MED13L: variants seen among roughly 807,000 people sequenced by gnomAD.
MED13L encodes mediator of RNA polymerase II transcription subunit 13-like.
MED13L carries 7 observed loss-of-function variants against 220.9 expected under a neutral mutation model. The observed-to-expected ratio is 0.03, with a 90% CI of 0.02 to 0.06. The LOEUF is 0.06. MED13L is among the 10% of genes least tolerant of loss of function. MED13L has a pLI of 1.00. For missense variants in MED13L, 1,965 were observed against 2,760.5 expected (o/e 0.71, Z 6.46); for synonymous variants, 1,011 against 1,015.2 (o/e 1.00, Z 0.08).
rs1046132478 is a variant in MED13L at position 116,029,362 on chromosome 12, A to T, written c.480-6761T>A. ...AACTTATAAGTGCAAAGGTATGGAG[A>T]GTCTGCCATTTTTAAAGACATTTTT... is the stretch of plus-strand genomic sequence containing the variant. On this transcript the variant is annotated intron_variant, in intron 4 of 30. Transcript: ENST00000281928. Among the ~76,000 whole-genome samples, 53 of 147,960 alleles carry T rather than the reference A, an allele frequency of 3.6e-4. 2 individuals carry two copies.
At chr12:116,120,469 TCTCTCTCTCACACACACACACACACACA>T (rs1565886985) in intron 2 of MED13L, among the ~76,000 whole-genome samples, 1 of 129,774 alleles carries the variant, frequency 7.7e-6, no homozygotes, top group Non-Finnish European at 1.6e-5. Flanking sequence ...TCTCTCTCTC[TCTCTCTCTCACACACACACACACACACA>T]CACACACACA....
chr12:116,135,181 AAAC>A (rs1411825752), intron 2 of MED13L, among the ~76,000 whole-genome samples: 1 of 152,216 alleles, frequency 6.6e-6, no homozygotes, highest in East Asian at 1.9e-4. Context: ...ACAAACAAAC[AAAC>A]AAAAAAGCAA....
At position 115,980,592 on chromosome 12, in the gene MED13L, A is replaced by T. The variant is rs182713013; in HGVS notation, c.5364+158T>A. 2.9e-5 allele frequency: 23 copies of T among 792,158 alleles called. No homozygotes were observed. The East Asian group carries it at 5.9e-4, about 20-fold the overall frequency. 49.1% of individuals were successfully genotyped at this position (792,158 alleles called of 1,614,324 possible). ...TTCCACCTCAGCCTCCGAAAGTGCT[A>T]AGACTACAGGTGTGAGCCAACACAT... On this transcript the variant is annotated intron_variant, in intron 23 of 30. Coordinates refer to ENST00000281928, the MANE Select transcript of MED13L (RefSeq NM_015335.5).
intron 1 of MED13L, among the ~76,000 whole-genome samples, chr12:116,266,727 A>G (rs912961085): frequency 2.0e-5 from 3 of 152,194 alleles, no homozygotes; most frequent in African/African-American, 7.2e-5. Context: ...AAACTTACAA[A>G]TTAACTTTTT....
chr12:115,973,940 T>C (rs1353958810), intron 25 of MED13L, among the ~76,000 whole-genome samples: 1 of 152,192 alleles, frequency 6.6e-6, no homozygotes, highest in Non-Finnish European at 1.5e-5. Flanking sequence ...TAACCTGCAT[T>C]GTAGGAAGCG....
intron 14 of MED13L, among the ~76,000 whole-genome samples, chr12:115,998,437 T>TAC (rs576627030): frequency 6.6e-5 from 10 of 152,356 alleles, no homozygotes; most frequent in Non-Finnish European, 1.2e-4. Context: ...TGGGCAACTG[T>TAC]ACCGTGCTGT....
intron 2 of MED13L, among the ~76,000 whole-genome samples, chr12:116,150,666 C>T (rs529644913): frequency 1.3e-5 from 2 of 152,322 alleles, no homozygotes; most frequent in Non-Finnish European, 2.9e-5. Context: ...ACACCATTCT[C>T]ACATCTGGCA....
chr12:116,028,016 C>T (rs1880506552), intron 4 of MED13L, among the ~76,000 whole-genome samples: 1 of 152,208 alleles, frequency 6.6e-6, no homozygotes, highest in South Asian at 2.1e-4. Context: ...AGTCCACCCT[C>T]CTTCATTTCA....
In MED13L at chr12:116,277,086, C is replaced by T; in HGVS notation, c.46G>A (p.Asp16Asn). The change falls in exon 1 of 31, where the codon GAT (aspartate) becomes AAT (asparagine). Residue 16 changes from aspartate to asparagine, a missense_variant. By Grantham distance (23) the Asp-to-Asn change is conservative. Transcript: ENST00000281928. ...NWVANGASLE[D>N]CHSNLFSLAE... ...AGCGAAAAGAGGTTGGAGTGACAAT[C>T]CTCCAGGCTCGCCCCGTTCGCCACC... The T allele has an allele frequency of 6.3e-7, 1 of 1,593,638 alleles. No homozygotes were observed. Among genetic ancestry groups the T allele is most frequent in the Non-Finnish European group, 8.5e-7 (1 of 1,171,554 alleles).
intron 23 of MED13L, chr12:115,980,416 T>C (rs1260469546): frequency 3.9e-5 from 13 of 331,854 alleles, no homozygotes; most frequent in East Asian, 6.9e-5. Flanking sequence ...CTCAAACTCC[T>C]GGGCTCAAGT....
At chr12:115,964,955 T>G (rs1876037596) in intron 29 of MED13L, among the ~76,000 whole-genome samples, 1 of 152,234 alleles carries the variant, frequency 6.6e-6, no homozygotes, top group South Asian at 2.1e-4. Flanking sequence ...TATACTTTTT[T>G]AGAGAGGAAA....
intron 4 of MED13L, among the ~76,000 whole-genome samples, chr12:116,082,275 A>T (rs779476463): frequency 6.6e-6 from 1 of 152,212 alleles, no homozygotes; most frequent in Non-Finnish European, 1.5e-5. Context: ...AGAAGGGGAA[A>T]AACTTTCACT....
intron 2 of MED13L, among the ~76,000 whole-genome samples, chr12:116,234,101 G>C (rs1429745314): frequency 1.3e-5 from 2 of 151,956 alleles, no homozygotes; most frequent in African/African-American, 4.8e-5. Flanking sequence ...TGAAGACAAA[G>C]GGAAATGCCA....
At chr12:116,108,585 T>A (rs1352162735) in intron 3 of MED13L, among the ~76,000 whole-genome samples, 1 of 152,176 alleles carries the variant, frequency 6.6e-6, no homozygotes, top group East Asian at 1.9e-4. Flanking sequence ...AAAGTTACAT[T>A]AAGTTTGATA....
At chr12:116,198,670 A>C (rs1029202923) in intron 2 of MED13L, among the ~76,000 whole-genome samples, 7 of 152,114 alleles carry the variant, frequency 4.6e-5, no homozygotes, top group African/African-American at 1.7e-4. Flanking sequence ...CATCTTTCTT[A>C]GTGTCCATCA....
intron 1 of MED13L, among the ~76,000 whole-genome samples, chr12:116,239,049 C>T (rs1253996309): frequency 1.3e-5 from 2 of 152,080 alleles, no homozygotes; most frequent in Non-Finnish European, 2.9e-5. Flanking sequence ...GAGCCGAGAT[C>T]GTGCCACGGC....
chr12:116,187,871 CTTTTA>C (rs931252730), intron 2 of MED13L, among the ~76,000 whole-genome samples: 32 of 144,890 alleles, frequency 2.2e-4, no homozygotes, highest in African/African-American at 7.1e-4. Context: ...TTTTCTTTTT[CTTTTA>C]TAAGTTAAAA....
chr12:116,191,999 T>C (rs901982981), intron 2 of MED13L, among the ~76,000 whole-genome samples: 2 of 152,190 alleles, frequency 1.3e-5, no homozygotes, highest in Non-Finnish European at 2.9e-5. Flanking sequence ...TTAATGACAA[T>C]AGAATGTAGT....
chr12:116,253,688 A>T (rs1871770433), intron 1 of MED13L, among the ~76,000 whole-genome samples: 1 of 151,306 alleles, frequency 6.6e-6, no homozygotes, highest in African/African-American at 2.4e-5. Context: ...AAAACCTATG[A>T]TCATCTCAAT....
Sources: allele counts gnomAD v4.1 joint callset (sites outside exome capture counted in the v4.1 genomes callset), GRCh38; gene constraint gnomAD v4.1.1; transcripts MANE v1.5; gene names NCBI Gene and HGNC (gene_info 2026-07-23, HGNC 2026-07-21).